The following ZFP64 variants were observed in gnomAD, a reference collection of about 807,000 sequenced individuals.
ZFP64 encodes the protein ZFP64 zinc finger protein.
Under a neutral mutation model 51.6 loss-of-function variants are expected in ZFP64, and 14 were observed. The observed-to-expected ratio is 0.27, with a 90% CI of 0.18 to 0.42. ZFP64 has a LOEUF of 0.42. Among genes scored for constraint, ZFP64 ranks in the 10% least tolerant of loss-of-function variants. The pLI, the probability that ZFP64 is intolerant of heterozygous loss-of-function variation, is 1.00. For missense variants in ZFP64, 754 were observed against 906.8 expected (o/e 0.83, Z 2.16); for synonymous variants, 375 against 361.4 (o/e 1.04, Z -0.43).
intron 5 of ZFP64, among the ~76,000 whole-genome samples, chr20:52,120,333 G>A (rs986627278): frequency 7.9e-5 from 12 of 152,142 alleles, no homozygotes; most frequent in Non-Finnish European, 7.4e-5. Context: ...GACACATCCA[G>A]AGGCAAATCT....
rs1600775317 is a variant in ZFP64, at chr20:52,160,507, T to A, written c.512-133A>T. 1 of 1,222,760 alleles carries A rather than the reference T, an allele frequency of 8.2e-7. No individual in the cohort carries two copies. Among genetic ancestry groups the A allele is most frequent in the East Asian group, 2.5e-5 (1 of 39,646 alleles). The allele number at this position is 1,222,760 out of a possible 1,614,324, so 75.7% of individuals were successfully genotyped here. ...ATTCCAAAAACCCTAAAACACTGGGTGGATGATTGGCAAAGAGCTAACATC... is the reference window on the plus strand; with the variant it reads ...ATTCCAAAAACCCTAAAACACTGGGAGGATGATTGGCAAAGAGCTAACATC... On this transcript the variant is annotated intron_variant, in intron 4 of 5. Coordinates refer to ENST00000216923, the MANE Select transcript of ZFP64 (RefSeq NM_018197.3). This position sits in a 1 kb window ranked among gnomAD's most constrained non-coding sequence, Gnocchi z 4.2.
At chr20:52,094,850 GTT>G (rs1179758216) in intron 7 of ZFP64, among the ~76,000 whole-genome samples, 1 of 152,160 alleles carries the variant, frequency 6.6e-6, no homozygotes, top group African/African-American at 2.4e-5. Flanking sequence ...TCTGAGCTTG[GTT>G]TTAACTTGAA....
intron 2 of ZFP64, chr20:52,175,883 T>C (rs771019146): frequency 1.5e-4 from 38 of 249,428 alleles, no homozygotes; most frequent in Non-Finnish European, 2.0e-4. Context: ...CCCAAAATAA[T>C]TCATTTTCTG....
chr20:52,152,007 A>G lies in ZFP64; in HGVS notation c.*139T>C. On this transcript the variant is annotated 3_prime_UTR_variant, in exon 6 of 6. Coordinates refer to ENST00000216923, the MANE Select transcript of ZFP64 (RefSeq NM_018197.3). Reference sequence around the variant, plus strand: ...AGCCAAGATAGCGCCACTGCACTCCAGCCTGGGAAACAGAGCGAGACTCCG... The same window carrying G: ...AGCCAAGATAGCGCCACTGCACTCCGGCCTGGGAAACAGAGCGAGACTCCG... 2.8e-6 allele frequency: 4 copies of G among 1,436,774 alleles called. No homozygotes were observed. Among genetic ancestry groups the G allele is most frequent in the Non-Finnish European group, 3.6e-6 (4 of 1,098,208 alleles). The allele number at this position is 1,436,774 out of a possible 1,614,324, so 89.0% of individuals were successfully genotyped here.
chr20:52,084,809 C>A (rs763632069), exon 9 of ZFP64: 2 of 1,614,172 alleles, frequency 1.2e-6, no homozygotes, highest in Non-Finnish European at 1.7e-6. Flanking sequence ...CCTCTCTGAG[C>A]CCTTCCTTGC....
At chr20:52,112,594 C>CCTT (rs1469248785) in intron 5 of ZFP64, among the ~76,000 whole-genome samples, 2 of 150,358 alleles carry the variant, frequency 1.3e-5, no homozygotes, top group East Asian at 3.9e-4. Flanking sequence ...GATGTGGGCA[C>CCTT]CCTGGTTGTG....
intron 2 of ZFP64, among the ~76,000 whole-genome samples, chr20:52,176,505 C>CTCTTTTT (rs1555810297): frequency 1.5e-5 from 2 of 136,724 alleles, no homozygotes; most frequent in African/African-American, 5.5e-5. Flanking sequence ...TTCAATCTCT[C>CTCTTTTT]TTTTTTTTTT....
intron 5 of ZFP64, among the ~76,000 whole-genome samples, chr20:52,115,265 T>C (rs1440246660): frequency 6.7e-6 from 1 of 149,044 alleles, no homozygotes; most frequent in Non-Finnish European, 1.5e-5. Context: ...AGCTCTAAGA[T>C]ATATTGCATT....
At chr20:52,119,025 G>A (rs886519778) in intron 5 of ZFP64, among the ~76,000 whole-genome samples, 1 of 152,076 alleles carries the variant, frequency 6.6e-6, no homozygotes, top group African/African-American at 2.4e-5. Flanking sequence ...TGCCTGTGGT[G>A]GCAGCTATCA....
At chr20:52,162,987 T>C (rs1469779482) in intron 4 of ZFP64, among the ~76,000 whole-genome samples, 1 of 152,194 alleles carries the variant, frequency 6.6e-6, no homozygotes, top group Non-Finnish European at 1.5e-5. Context: ...GTAGAAGATA[T>C]TTTCTGCGGA....
At chr20:52,102,560 A>G (rs1347511055) in intron 5 of ZFP64, among the ~76,000 whole-genome samples, 1 of 152,192 alleles carries the variant, frequency 6.6e-6, no homozygotes, top group Admixed American at 6.5e-5. Context: ...GCCTCATTAC[A>G]TAGCAACTCA....
At chr20:52,084,403 G>A (rs2078841794) in exon 9 of ZFP64, 3 of 699,320 alleles carry the variant, frequency 4.3e-6, no homozygotes, top group Non-Finnish European at 7.0e-6. Flanking sequence ...TTTCGTCACT[G>A]TCGCCCAGCC....
At chr20:52,100,568 C>T (rs2079040107) in intron 5 of ZFP64, among the ~76,000 whole-genome samples, 1 of 152,106 alleles carries the variant, frequency 6.6e-6, no homozygotes, top group Admixed American at 6.5e-5. Context: ...AGAAGATTGA[C>T]TAGCTTATGA....
chr20:52,124,190 T>C (rs1215259770), intron 5 of ZFP64, among the ~76,000 whole-genome samples: 2 of 101,262 alleles, frequency 2.0e-5, no homozygotes. Flanking sequence ...CATTGTTAAA[T>C]GTAAAAAAAA....
rs1279082410 is a variant in ZFP64 at position 52,141,997 on chromosome 20, AT to A, written c.763+18125del. Among the ~76,000 whole-genome samples the A allele has an allele frequency of 6.6e-5, 10 of 152,286 alleles. No homozygotes were observed. In the South Asian group the frequency reaches 1.7e-3, roughly 25 times the overall value. On this transcript the variant is annotated intron_variant, in intron 5 of 8. Coordinates refer to the ZFP64 transcript ENST00000361387. The stretch of plus-strand genomic sequence containing the variant: ...CACTTATAAGTGGGAGCTCAATAAT[AT>A]TTATACATGGGCATACAGTGTGGAA...
At position 52,085,300 on chromosome 20, in the gene ZFP64, G is replaced by A; in HGVS notation, c.1229-34C>T. Reference sequence around the variant, plus strand: ...GGAAGGTGTGTTTCCATTAGAACAGGCAGGCAAAACAGACCCTCCCACCCC... The same window carrying A: ...GGAAGGTGTGTTTCCATTAGAACAGACAGGCAAAACAGACCCTCCCACCCC... On this transcript the variant is annotated intron_variant, in intron 8 of 8. Coordinates refer to the ZFP64 transcript ENST00000361387. This position sits in a 1 kb window ranked among gnomAD's most constrained non-coding sequence, Gnocchi z 4.3. The A allele has an allele frequency of 1.9e-6, 3 of 1,564,110 alleles. No individual in the cohort carries two copies. The South Asian group carries it at 3.6e-5, about 19-fold the overall frequency.
chr20:52,114,393 G>A (rs561847033), intron 5 of ZFP64, among the ~76,000 whole-genome samples: 93 of 152,264 alleles, frequency 6.1e-4, no homozygotes, highest in African/African-American at 2.1e-3. Flanking sequence ...ATCACCTGGG[G>A]ACCTTGTTAA....
intron 6 of ZFP64, among the ~76,000 whole-genome samples, chr20:52,098,254 C>T (rs1158215098): frequency 7.2e-5 from 11 of 151,914 alleles, no homozygotes; most frequent in East Asian, 3.9e-4. Flanking sequence ...GTGAGTCCCA[C>T]GCTGAGCTCT....
At chr20:52,103,398 T>G (rs1456912231) in intron 5 of ZFP64, among the ~76,000 whole-genome samples, 1 of 152,206 alleles carries the variant, frequency 6.6e-6, no homozygotes, top group Admixed American at 6.5e-5. Flanking sequence ...GGTACTAGGA[T>G]AAAACGTCAG....
Sources: allele counts gnomAD v4.1 joint callset (sites outside exome capture counted in the v4.1 genomes callset), GRCh38; gene constraint gnomAD v4.1.1; non-coding constraint Gnocchi (gnomAD v3.1); transcripts MANE v1.5; gene names NCBI Gene and HGNC (gene_info 2026-07-23, HGNC 2026-07-21).